The following PTPRN2 variants were observed in gnomAD, a reference collection of about 807,000 sequenced individuals.
PTPRN2 encodes protein tyrosine phosphatase receptor type N2.
Under a neutral mutation model 118.8 loss-of-function variants are expected in PTPRN2, and 74 were observed. The observed-to-expected ratio is 0.62, with a 90% confidence interval of 0.52 to 0.76. PTPRN2 has a LOEUF of 0.76. Ranked by LOEUF, PTPRN2 falls within the 30% of genes least tolerant of loss-of-function variation. The pLI is 0.00. For missense variants in PTPRN2, 1,481 were observed against 1,394.4 expected, an observed-to-expected ratio of 1.06 and a Z score of -0.99; for synonymous variants, 641 against 608.0, an observed-to-expected ratio of 1.05 and a Z score of -0.80.
At chr7:158,207,019 T>C (rs1420162954) in intron 3 of PTPRN2, among the ~76,000 whole-genome samples, 5 of 142,288 alleles carry the variant, frequency 3.5e-5, no homozygotes, top group Admixed American at 2.9e-4. Flanking sequence ...CCATGTGATC[T>C]CATTGTTCAA....
At chr7:158,071,025 G>C (rs1338704660) in intron 11 of PTPRN2, among the ~76,000 whole-genome samples, 1 of 85,458 alleles carries the variant, frequency 1.2e-5, no homozygotes, top group Non-Finnish European at 2.3e-5. Flanking sequence ...GCTCGTGGTG[G>C]AGGTGCTCTT....
chr7:158,573,221 C>T (rs1387915234), intron 1 of PTPRN2, among the ~76,000 whole-genome samples: 1 of 152,162 alleles, frequency 6.6e-6, no homozygotes, highest in Non-Finnish European at 1.5e-5. Flanking sequence ...ACACTATACC[C>T]AGCTAAACAA....
At chr7:158,061,099 G>A (rs749291300) in intron 11 of PTPRN2, among the ~76,000 whole-genome samples, 15 of 152,234 alleles carry the variant, frequency 9.9e-5, no homozygotes, top group Non-Finnish European at 1.3e-4. Flanking sequence ...GGCTTTGTCC[G>A]TGTCGCTCAG....
At position 157,861,811 on chromosome 7, in the gene PTPRN2, C is replaced by T. The variant is rs184178091; in HGVS notation, c.1788+36862G>A. ...ACGCAGACGGCTTCCCTCTGCATGC[C>T]GGAGTCTGTCCTCTCCGTCGCAGGG... is the stretch of plus-strand genomic sequence containing the variant. On this transcript the variant is annotated intron_variant, in intron 12 of 22. Coordinates refer to ENST00000389418, the MANE Select transcript of PTPRN2 (RefSeq NM_002847.5). The surrounding 1 kb of genome is among the most constrained non-coding windows in gnomAD (Gnocchi z 5.8). 2.0e-5 allele frequency among the ~76,000 whole-genome samples: 3 copies of T among 152,356 alleles called. No homozygotes were observed. Among genetic ancestry groups the T allele is most frequent in the African/African-American group, 7.2e-5 (3 of 41,590 alleles).
Position 157,934,210 on chromosome 7 carries a change from T to C in PTPRN2, c.1724-35473A>G, listed in dbSNP as rs1335741694. Reference sequence around the variant, plus strand: ...GGTTTCTGCACCGTGAATGCTGTTTTCTTCTGATCCTATCTTGTGGTGAGA... The same window carrying C: ...GGTTTCTGCACCGTGAATGCTGTTTCCTTCTGATCCTATCTTGTGGTGAGA... On this transcript the variant is annotated intron_variant, in intron 11 of 22. Transcript: ENST00000389418. Among the ~76,000 whole-genome samples the C allele has an allele frequency of 1.2e-4, 18 of 152,214 alleles. 1 individual carries two copies. The highest frequency in any genetic ancestry group is 1.2e-3 in the Admixed American group (18 of 15,286).
chr7:157,786,640 T>C lies in PTPRN2; in HGVS notation c.1789-103703A>G, dbSNP rs184021798. Reference sequence around the variant, plus strand: ...TATGGTCCCCAGAGATAGAGGACGGTGAGGCGCTGCCGGTGAGGGCCACAC... The same window carrying C: ...TATGGTCCCCAGAGATAGAGGACGGCGAGGCGCTGCCGGTGAGGGCCACAC... On this transcript the variant is annotated intron_variant, in intron 12 of 22. Transcript: ENST00000389418. Among the ~76,000 whole-genome samples, 1,131 of 152,276 alleles carry C rather than the reference T, an allele frequency of 7.4e-3. 14 individuals carry two copies. Among genetic ancestry groups the C allele is most frequent in the African/African-American group, 0.026 (1,074 of 41,544 alleles).
chr7:157,705,772 C>T (rs567216328), intron 12 of PTPRN2, among the ~76,000 whole-genome samples: 7 of 150,768 alleles, frequency 4.6e-5, no homozygotes, highest in South Asian at 2.1e-4. Flanking sequence ...AGGTGCCTTC[C>T]GGATAAACGC....
At chr7:157,982,405 C>T (rs1203775750) in intron 11 of PTPRN2, among the ~76,000 whole-genome samples, 25 of 143,440 alleles carry the variant, frequency 1.7e-4, no homozygotes, top group Non-Finnish European at 3.4e-4. Flanking sequence ...CAGGGTCCCC[C>T]CTAAACCCCA....
At chr7:158,326,805 T>C (rs1803594623) in intron 2 of PTPRN2, among the ~76,000 whole-genome samples, 2 of 137,398 alleles carry the variant, frequency 1.5e-5, no homozygotes, top group African/African-American at 2.8e-5. Context: ...ATGCACATTC[T>C]CACACATGCA....
chr7:158,370,667 C>T (rs1262572840), intron 2 of PTPRN2, among the ~76,000 whole-genome samples: 1 of 149,556 alleles, frequency 6.7e-6, no homozygotes, highest in Non-Finnish European at 1.5e-5. Flanking sequence ...CAGGAGAATG[C>T]CATAAACCCA....
At chr7:158,193,165 G>T (rs978992301) in intron 4 of PTPRN2, among the ~76,000 whole-genome samples, 3 of 152,230 alleles carry the variant, frequency 2.0e-5, no homozygotes, top group Non-Finnish European at 4.4e-5. Flanking sequence ...GCTTCCCGTG[G>T]GCAGACACAT....
rs1585141017 is a variant in PTPRN2 at position 157,632,224 on chromosome 7, C to T, written c.2197-10715G>A. The stretch of plus-strand genomic sequence containing the variant: ...CCTGCAGGGTACTTCCTGGAGTCCA[C>T]AGCCGGCCCAGTCTCTGCCTCACCT... On this transcript the variant is annotated intron_variant, in intron 14 of 22. Coordinates refer to ENST00000389418, the MANE Select transcript of PTPRN2 (RefSeq NM_002847.5). This position sits in a 1 kb window ranked among gnomAD's most constrained non-coding sequence, Gnocchi z 4.3. Among the ~76,000 whole-genome samples, 1 of 152,318 alleles carries T rather than the reference C, an allele frequency of 6.6e-6. No homozygotes were observed. The highest frequency in any genetic ancestry group is 2.1e-4 in the South Asian group (1 of 4,824).
At chr7:158,212,560 C>T (rs1205384776) in intron 3 of PTPRN2, among the ~76,000 whole-genome samples, 2 of 152,096 alleles carry the variant, frequency 1.3e-5, no homozygotes, top group African/African-American at 2.4e-5. Flanking sequence ...TTAATGGGTG[C>T]TGACTATGGC....
chr7:158,481,183 TA>T (rs1311118357), intron 2 of PTPRN2, among the ~76,000 whole-genome samples: 4 of 152,216 alleles, frequency 2.6e-5, no homozygotes, highest in African/African-American at 9.6e-5. Flanking sequence ...CGAGGGCCCT[TA>T]AGAATCATGC....
chr7:157,966,014 A>G (rs1352645081), intron 11 of PTPRN2, among the ~76,000 whole-genome samples: 1 of 152,348 alleles, frequency 6.6e-6, no homozygotes, highest in South Asian at 2.1e-4. Flanking sequence ...AGACACAGAG[A>G]CACAGAAAGC....
intron 12 of PTPRN2, among the ~76,000 whole-genome samples, chr7:157,827,895 T>G (rs1021429711): frequency 1.4e-4 from 22 of 152,324 alleles, no homozygotes; most frequent in African/African-American, 5.3e-4. Context: ...ATTTTGTTTT[T>G]TTTTGAAAAG....
chr7:158,334,439 C>T (rs1363829380), intron 2 of PTPRN2, among the ~76,000 whole-genome samples: 1 of 63,982 alleles, frequency 1.6e-5, no homozygotes, highest in Admixed American at 1.7e-4. Context: ...CACACCCACA[C>T]TCTCACCATA....
intron 21 of PTPRN2, among the ~76,000 whole-genome samples, chr7:157,566,384 C>A (rs921539601): frequency 1.3e-5 from 2 of 152,248 alleles, no homozygotes; most frequent in Non-Finnish European, 2.9e-5. Flanking sequence ...AGACGCCCCG[C>A]CACACGGGCA....
At chr7:157,563,867 C>A (rs939026972) in intron 21 of PTPRN2, among the ~76,000 whole-genome samples, 8 of 152,150 alleles carry the variant, frequency 5.3e-5, no homozygotes, top group African/African-American at 1.4e-4. Flanking sequence ...TGCATCACCA[C>A]AGACAGCAGA....
Sources: gnomAD v4.1 joint callset for allele counts (sites outside exome capture counted in the v4.1 genomes callset) on GRCh38, gnomAD v4.1.1 for gene constraint, Gnocchi (gnomAD v3.1) non-coding constraint, MANE v1.5 for transcripts, NCBI Gene and HGNC (gene_info 2026-07-23, HGNC 2026-07-21) for gene names.